CCDC93: variants seen among roughly 807,000 people sequenced by gnomAD.
The protein encoded by CCDC93 is CCC complex scaffolding subunit CCDC93, also known as coiled-coil domain-containing protein 93.
A neutral mutation model predicts 108.2 loss-of-function variants in CCDC93; 61 were observed. The observed-to-expected ratio is 0.56, with a 90% CI of 0.46 to 0.70. The LOEUF (loss-of-function observed/expected upper bound fraction) is 0.70, where lower values mean the gene tolerates loss of function less well. Among genes scored for constraint, CCDC93 ranks in the 30% least tolerant of loss-of-function variants. The pLI, the probability that CCDC93 is intolerant of heterozygous loss-of-function variation, is 0.00. For missense variants in CCDC93, 685 were observed against 764.2 expected, an observed-to-expected ratio of 0.90 and a Z score of 1.22; for synonymous variants, 276 against 260.4, an observed-to-expected ratio of 1.06 and a Z score of -0.58.
chr2:117,924,609 C>A (rs146807746), intron 23 of CCDC93, among the ~76,000 whole-genome samples: 12 of 152,276 alleles, frequency 7.9e-5, no homozygotes, highest in Non-Finnish European at 1.3e-4. Flanking sequence ...ACCAAAGTCT[C>A]CAAGAAATAT....
At chr2:117,944,491 G>C (rs1318618751) in intron 17 of CCDC93, among the ~76,000 whole-genome samples, 3 of 152,152 alleles carry the variant, frequency 2.0e-5, no homozygotes, top group African/African-American at 7.2e-5. Flanking sequence ...ATAGCCACTA[G>C]CCACAGCAGA....
intron 17 of CCDC93, 71 bp downstream of exon 17, chr2:117,945,458 T>C: frequency 8.0e-7 from 1 of 1,254,792 alleles, no homozygotes; most frequent in Non-Finnish European, 1.2e-6. Context: ...TGAGAAGCCA[T>C]CACAGGAGAG....
intron 6 of CCDC93, among the ~76,000 whole-genome samples, chr2:117,989,011 C>A (rs954286762): frequency 6.6e-6 from 1 of 152,186 alleles, no homozygotes; most frequent in East Asian, 1.9e-4. Flanking sequence ...AAAGATGGCT[C>A]CTGGGTTGTT....
chr2:117,946,463 G>A (rs533435227), intron 16 of CCDC93, among the ~76,000 whole-genome samples: 2 of 152,206 alleles, frequency 1.3e-5, no homozygotes, highest in Non-Finnish European at 2.9e-5. Context: ...AGCAGGAAAG[G>A]AGAAAGGTGA....
At chr2:117,980,355 T>G (rs1680078833) in intron 7 of CCDC93, among the ~76,000 whole-genome samples, 1 of 152,236 alleles carries the variant, frequency 6.6e-6, no homozygotes, top group South Asian at 2.1e-4. Flanking sequence ...TGAGTATTCA[T>G]CTTTCCTTTT....
At chr2:117,978,866 G>A (rs925642029) in intron 7 of CCDC93, among the ~76,000 whole-genome samples, 2 of 152,018 alleles carry the variant, frequency 1.3e-5, no homozygotes, top group African/African-American at 2.4e-5. Context: ...AAAGCAGCTG[G>A]GCATAGTGGC....
intron 4 of CCDC93, chr2:117,997,775 A>G (rs541522316): frequency 6.6e-6 from 1 of 152,148 alleles, no homozygotes; most frequent in African/African-American, 2.4e-5. Context: ...TCCCAGTAAA[A>G]CTAAGTGGTC....
chr2:117,963,897 C>A (rs1211221161), intron 11 of CCDC93, among the ~76,000 whole-genome samples: 2 of 152,302 alleles, frequency 1.3e-5, no homozygotes, highest in East Asian at 3.9e-4. Context: ...AGTCTTTATG[C>A]AAATTGATAC....
chr2:117,944,252 A>T (rs559716961), intron 17 of CCDC93, among the ~76,000 whole-genome samples, 166 bp from the exon 18 acceptor site: 1 of 151,896 alleles, frequency 6.6e-6, no homozygotes, highest in Admixed American at 6.6e-5. Context: ...CTCATATGAG[A>T]CCCTTGATAC....
chr2:117,927,834 G>A (rs964681733), intron 23 of CCDC93, among the ~76,000 whole-genome samples: 2 of 152,160 alleles, frequency 1.3e-5, no homozygotes, highest in African/African-American at 4.8e-5. Flanking sequence ...AAAGCTGGAG[G>A]CATCATGCTA....
Position 117,951,015 on chromosome 2 carries a change from A to G in CCDC93, c.1068+1358T>C, listed in dbSNP as rs1263196913. 7 of 984,504 alleles carry G rather than the reference A, an allele frequency of 7.1e-6. No individual in the cohort carries two copies. In the Admixed American group the frequency reaches 2.5e-4, roughly 35 times the overall value. The allele number at this position is 984,504 out of a possible 1,614,324, so 61.0% of individuals were successfully genotyped here. On this transcript the variant is annotated intron_variant, in intron 13 of 23. Transcript: ENST00000376300. ...CTTAAATCACACCCTCCACCTTTCT[A>G]TAACATGAAAAGGGCTCAACAAATA... is the stretch of plus-strand genomic sequence containing the variant.
intron 7 of CCDC93, among the ~76,000 whole-genome samples, chr2:117,984,866 C>T (rs1680264641): frequency 6.6e-6 from 1 of 152,206 alleles, no homozygotes; most frequent in East Asian, 1.9e-4. Flanking sequence ...AACCCGTCCA[C>T]TAGCACAGGG....
At chr2:117,930,400 C>G (rs567774587) in intron 23 of CCDC93, among the ~76,000 whole-genome samples, 19 of 152,266 alleles carry the variant, frequency 1.2e-4, no homozygotes, top group African/African-American at 4.6e-4. Context: ...ACTTTTCTTT[C>G]TGGAACAATG....
intron 11 of CCDC93, among the ~76,000 whole-genome samples, chr2:117,959,790 G>A (rs1288905832): frequency 3.3e-5 from 5 of 152,196 alleles, no homozygotes; most frequent in African/African-American, 1.2e-4. Flanking sequence ...ACCTGGGACT[G>A]TGTAAAATGT....
chr2:117,976,340 A>T (rs1324582165), intron 8 of CCDC93, among the ~76,000 whole-genome samples: 1 of 152,198 alleles, frequency 6.6e-6, no homozygotes. Context: ...CTTAAATTAC[A>T]TATCAAATTA....
Position 117,947,464 on chromosome 2 carries a change from T to C in CCDC93, c.1225-582A>G, listed in dbSNP as rs374972335. Among the ~76,000 whole-genome samples the C allele has an allele frequency of 2.8e-4, 42 of 152,264 alleles. No individual in the cohort carries two copies. The South Asian group carries it at 8.3e-3, about 30-fold the overall frequency. On this transcript the variant is annotated intron_variant, in intron 15 of 23. Transcript: ENST00000376300. ...GAAGATGACAGCCAGGACTTACACA[T>C]AGGACATAGACATCCCAGGTTTTCA...
intron 7 of CCDC93, 87 bp from the exon 8 acceptor site, chr2:117,978,117 A>C (rs2104788343): frequency 8.5e-7 from 1 of 1,178,110 alleles, no homozygotes; most frequent in South Asian, 1.2e-5. Flanking sequence ...TTTTTACATG[A>C]AAAACATCAA....
At chr2:117,968,281 C>A (rs550204565) in intron 11 of CCDC93, among the ~76,000 whole-genome samples, 1 of 152,120 alleles carries the variant, frequency 6.6e-6, no homozygotes, top group Non-Finnish European at 1.5e-5. Context: ...GGTTGCAGGG[C>A]GGAAATATAT....
intron 3 of CCDC93, among the ~76,000 whole-genome samples, chr2:118,005,705 T>C (rs1676846573): frequency 6.9e-6 from 1 of 145,362 alleles, no homozygotes; most frequent in Non-Finnish European, 1.5e-5. Context: ...TGAGTGGTGT[T>C]GGCACCACTG....
Sources: gnomAD v4.1 joint callset for allele counts (sites outside exome capture counted in the v4.1 genomes callset) on GRCh38, gnomAD v4.1.1 for gene constraint, MANE v1.5 for transcripts, NCBI Gene and HGNC (gene_info 2026-07-23, HGNC 2026-07-21) for gene names.